The following LDLRAD3 variants were observed in gnomAD, a reference collection of about 807,000 sequenced individuals.
LDLRAD3 encodes low-density lipoprotein receptor class A domain-containing protein 3.
A neutral mutation model predicts 29.4 loss-of-function variants in LDLRAD3; 20 were observed. The observed-to-expected ratio is 0.68, with a 90% CI of 0.48 to 0.99. The LOEUF (loss-of-function observed/expected upper bound fraction) is 0.99. Among genes scored for constraint, LDLRAD3 ranks in the 50% least tolerant of loss-of-function variants. The probability of loss-of-function intolerance (pLI) is 0.00; values close to 1 mark genes in which losing one functional copy is unlikely to be tolerated. For missense variants in LDLRAD3, 420 were observed against 454.3 expected, an observed-to-expected ratio of 0.92 and a Z score of 0.69; for synonymous variants, 157 against 192.7, an observed-to-expected ratio of 0.81 and a Z score of 1.53.
chr11:36,067,028 C>G (rs1233409044), intron 2 of LDLRAD3, among the ~76,000 whole-genome samples: 1 of 152,192 alleles, frequency 6.6e-6, no homozygotes, highest in African/African-American at 2.4e-5. Context: ...AAGCCATAAC[C>G]TGTTTCAACT....
At chr11:36,031,477 G>T (rs1395202034) in intron 1 of LDLRAD3, among the ~76,000 whole-genome samples, 1 of 152,142 alleles carries the variant, frequency 6.6e-6, no homozygotes, top group African/African-American at 2.4e-5. Flanking sequence ...GGAAGAGTAT[G>T]GGGGAAAGGG....
chr11:36,175,461 C>T (rs1035821182), intron 4 of LDLRAD3, among the ~76,000 whole-genome samples: 1 of 152,164 alleles, frequency 6.6e-6, no homozygotes, highest in Non-Finnish European at 1.5e-5. Context: ...TATGAACTTT[C>T]CTCTTAGCAC....
At chr11:36,221,426 T>C (rs916632317) in intron 4 of LDLRAD3, among the ~76,000 whole-genome samples, 2 of 148,638 alleles carry the variant, frequency 1.3e-5, no homozygotes, top group Admixed American at 1.3e-4. Flanking sequence ...GACTCATGAG[T>C]CAGTAAGGGG....
chr11:36,017,683 C>G (rs1437568493), intron 1 of LDLRAD3, among the ~76,000 whole-genome samples: 1 of 152,024 alleles, frequency 6.6e-6, no homozygotes, highest in East Asian at 1.9e-4. Flanking sequence ...CGTGCACCCC[C>G]ATGCCCCATG....
intron 2 of LDLRAD3, among the ~76,000 whole-genome samples, chr11:36,079,814 C>T (rs1053695162): frequency 6.6e-6 from 1 of 152,152 alleles, no homozygotes; most frequent in African/African-American, 2.4e-5. Flanking sequence ...CAATTGTTCT[C>T]CCCGACTTGG....
chr11:36,183,308 C>T (rs1484519584), intron 4 of LDLRAD3, among the ~76,000 whole-genome samples: 1 of 142,766 alleles, frequency 7.0e-6, no homozygotes, highest in Non-Finnish European at 1.6e-5. Context: ...CAAAGCAGAA[C>T]TAGGGTGTGA....
intron 2 of LDLRAD3, among the ~76,000 whole-genome samples, chr11:36,080,750 C>T (rs1285667899): frequency 2.6e-5 from 4 of 152,106 alleles, no homozygotes; most frequent in South Asian, 2.1e-4. Context: ...AGGTAAAAGA[C>T]GAATGGAATA....
intron 1 of LDLRAD3, among the ~76,000 whole-genome samples, chr11:35,978,347 T>G (rs1484204132): frequency 6.6e-6 from 1 of 152,250 alleles, no homozygotes; most frequent in Non-Finnish European, 1.5e-5. Context: ...CCTGCAGTGC[T>G]GCACTGCTCC....
intron 4 of LDLRAD3, among the ~76,000 whole-genome samples, chr11:36,134,691 C>T (rs902106192): frequency 2.6e-5 from 4 of 152,218 alleles, no homozygotes; most frequent in African/African-American, 4.8e-5. Context: ...GCATCTGTTA[C>T]GGACCTCATT....
chr11:36,142,034 C>A (rs1194091252), intron 4 of LDLRAD3, among the ~76,000 whole-genome samples: 1 of 152,206 alleles, frequency 6.6e-6, no homozygotes. Flanking sequence ...CTAACTTGTT[C>A]CATTTTCTAA....
chr11:36,173,200 A>G (rs1854622752), intron 4 of LDLRAD3, among the ~76,000 whole-genome samples: 1 of 151,670 alleles, frequency 6.6e-6, no homozygotes, highest in Admixed American at 6.6e-5. Context: ...TTTTATTATT[A>G]TTATGCTTTA....
chr11:36,072,316 CCTCTGTCCAG>C (rs1852919695), intron 2 of LDLRAD3, among the ~76,000 whole-genome samples: 1 of 152,208 alleles, frequency 6.6e-6, no homozygotes, highest in Admixed American at 6.5e-5. Context: ...CACATTGCAG[CCTCTGTCCAG>C]CTCTTTTGTA....
intron 4 of LDLRAD3, among the ~76,000 whole-genome samples, chr11:36,120,270 A>G (rs1279038858): frequency 2.6e-5 from 4 of 151,954 alleles, no homozygotes; most frequent in Admixed American, 2.6e-4. Flanking sequence ...TTTTTTTTAA[A>G]TGGTTAGATC....
At chr11:35,957,478 G>A (rs1025377158) in intron 1 of LDLRAD3, among the ~76,000 whole-genome samples, 2 of 152,130 alleles carry the variant, frequency 1.3e-5, no homozygotes, top group Admixed American at 6.5e-5. Flanking sequence ...AGTTGGAATC[G>A]TGTAGGATGT....
At position 36,038,967 on chromosome 11, in the gene LDLRAD3, CTTTCT is replaced by C. The variant is rs968220860; in HGVS notation, c.193+2722_193+2726del. On this transcript the variant is annotated intron_variant, in intron 2 of 5. Transcript: ENST00000315571. ...CAAATTCTACTTTCATTTAAAATTT[CTTTCT>C]TTTTTTTTTTTTTTTAGACGGAGTC... Among the ~76,000 whole-genome samples the C allele has an allele frequency of 1.2e-3, 92 of 76,354 alleles. 1 individual carries two copies. The East Asian group carries it at 0.038, about 32-fold the overall frequency. The allele number at this position is 76,354 out of a possible 152,430, so 50.1% of individuals were successfully genotyped here.
intron 2 of LDLRAD3, among the ~76,000 whole-genome samples, chr11:36,054,357 TCAAAA>T (rs886859200): frequency 1.3e-5 from 2 of 152,058 alleles, no homozygotes; most frequent in African/African-American, 4.8e-5. Flanking sequence ...GTGAGTAAAA[TCAAAA>T]CAAAACAAGC....
intron 4 of LDLRAD3, among the ~76,000 whole-genome samples, chr11:36,114,203 G>A (rs1222169269): frequency 3.3e-5 from 5 of 152,188 alleles, no homozygotes; most frequent in Non-Finnish European, 5.9e-5. Context: ...AAGATTTGTT[G>A]CTGCTGTGAG....
At chr11:36,206,725 CTT>C (rs33957569) in intron 4 of LDLRAD3, among the ~76,000 whole-genome samples, 40,137 of 132,682 alleles carry the variant, frequency 0.3, 5,720 homozygotes, top group African/African-American at 0.41. Flanking sequence ...GTTGATTTTA[CTT>C]TTTTTTTTTT....
At chr11:36,191,250 G>C (rs1046324188) in intron 4 of LDLRAD3, among the ~76,000 whole-genome samples, 1 of 152,044 alleles carries the variant, frequency 6.6e-6, no homozygotes, top group Non-Finnish European at 1.5e-5. Flanking sequence ...AACTTGATAG[G>C]CCAAGTAGTA....
Sources: allele counts gnomAD v4.1 joint callset (sites outside exome capture counted in the v4.1 genomes callset), GRCh38; gene constraint gnomAD v4.1.1; transcripts MANE v1.5; gene names NCBI Gene and HGNC (gene_info 2026-07-23, HGNC 2026-07-21).